The following LRRC3C variants were observed in gnomAD, a reference collection of about 807,000 sequenced individuals.
LRRC3C encodes leucine rich repeat containing 3C, also known as leucine-rich repeat-containing protein 3C.
Under a neutral mutation model 14.8 loss-of-function variants are expected in LRRC3C, and 11 were observed. The ratio of observed to expected loss-of-function variants is 0.74; its 90% confidence interval spans 0.47 to 1.23. The LOEUF is 1.23. Among genes scored for constraint, LRRC3C ranks in the 50% most tolerant of loss-of-function variants. The pLI is 0.00. For synonymous variants in LRRC3C, 149 were observed against 161.5 expected (o/e 0.92, Z 0.59); for missense variants, 354 against 361.8 (o/e 0.98, Z 0.18).
Position 39,944,004 on chromosome 17 carries a change from T to C in LRRC3C, c.98T>C (p.Leu33Pro). 6.5e-7 allele frequency: 1 copy of C among 1,536,060 alleles called. No homozygotes were observed. Among genetic ancestry groups the C allele is most frequent in the Non-Finnish European group, 8.7e-7 (1 of 1,146,880 alleles). Residue 33 changes from leucine (L) to proline (P), a missense_variant, in exon 4 of 4, where the codon CTG becomes CCG. Physicochemically the swap from Leu to Pro is moderately conservative, Grantham distance 98. Transcript: ENST00000377924. ...ACAGCAGGTCACCTCCTGCCCCTCC[T>C]GCTGGTGATAGGCACAGGGGGTACT... ...LPTAGHLLPL[L>P]LVIGTGGTVP...
chr17:39,941,653 G>A lies in LRRC3C; in HGVS notation c.26+104G>A, dbSNP rs189283208. ...TCCAGGTTCCGTACAATACAATACC[G>A]TGGGTACCATCAGGCTCAACGTGCA... On this transcript the variant is annotated intron_variant, in intron 3 of 3. Transcript: ENST00000377924. The A allele has an allele frequency of 1.6e-3, 1,637 of 1,019,502 alleles. 2 individuals carry two copies. Among genetic ancestry groups the A allele is most frequent in the Non-Finnish European group, 2.3e-3 (1,543 of 684,732 alleles). 63.2% of individuals were successfully genotyped at this position (1,019,502 alleles called of 1,614,324 possible).
chr17:39,935,927 C>G, intron 2 of LRRC3C, 33 bp downstream of exon 2: 1 of 957,140 alleles, frequency 1.0e-6, no homozygotes, highest in Non-Finnish European at 1.2e-6. Flanking sequence ...CTCTATCTAT[C>G]TATCTACCTA....
At chr17:39,930,738 ATTAAG>A (rs761332762) in intron 1 of LRRC3C, among the ~76,000 whole-genome samples, 81 of 138,462 alleles carry the variant, frequency 5.8e-4, no homozygotes, top group Non-Finnish European at 7.8e-4. Flanking sequence ...AAAAGATTTT[ATTAAG>A]TTATCAGGCA....
intron 3 of LRRC3C, 47 bp from the exon 4 acceptor site, chr17:39,943,886 C>T (rs772972750): frequency 2.6e-5 from 40 of 1,521,018 alleles, no homozygotes; most frequent in African/African-American, 6.9e-5. Flanking sequence ...GTGGGGCATG[C>T]GATTCTCTTG....
chr17:39,944,291 A>C lies in LRRC3C; in HGVS notation c.385A>C (p.Thr129Pro), dbSNP rs776753885. The change falls in exon 4 of 4, where the codon ACA becomes CCA. Residue 129 changes from threonine to proline, a missense_variant. By Grantham distance (38) the Thr-to-Pro change is conservative (BLOSUM62 -1). Coordinates refer to ENST00000377924, the MANE Select transcript of LRRC3C (RefSeq NM_001195545.2). Reference protein sequence around the residue: ...SGAAFQGLEGTLRHLDLSANQ... With the variant: ...SGAAFQGLEGPLRHLDLSANQ... ...GGCGGCTTTCCAGGGCCTGGAGGGC[A>C]CATTGCGCCACCTCGACCTCTCTGC... The C allele has an allele frequency of 1.3e-6, 2 of 1,535,372 alleles. No homozygotes were observed. Among genetic ancestry groups the C allele is most frequent in the South Asian group, 2.4e-5 (2 of 83,900 alleles).
At position 39,934,403 on chromosome 17, in the gene LRRC3C, TC is replaced by T. The variant is rs1978740777; in HGVS notation, c.-174-1398del. Among the ~76,000 whole-genome samples the T allele has an allele frequency of 2.6e-5, 4 of 152,132 alleles. No homozygotes were observed. The South Asian group carries it at 8.3e-4, about 31-fold the overall frequency. On this transcript the variant is annotated intron_variant, in intron 1 of 3. Transcript: ENST00000377924. ...ACCAACTGAGTTCCTACTCCTAGCCTCACCTGTCTAGAAATCTGGGTGGCCA... is the reference window on the plus strand; with the variant it reads ...ACCAACTGAGTTCCTACTCCTAGCCTACCTGTCTAGAAATCTGGGTGGCCA...
At chr17:39,941,389 G>GTT in intron 2 of LRRC3C, 54 bp from the exon 3 acceptor site, 1 of 501,930 alleles carries the variant, frequency 2.0e-6, no homozygotes, top group Admixed American at 3.8e-5. Context: ...TTCTTAACAG[G>GTT]TTTTTGAAAC....
In LRRC3C at chr17:39,941,521, C is replaced by T; in HGVS notation, c.-3C>T. 6.5e-7 allele frequency: 1 copy of T among 1,535,798 alleles called. No individual in the cohort carries two copies. The highest frequency in any genetic ancestry group is 1.7e-4 in the Middle Eastern group (1 of 5,990). On this transcript the variant is annotated 5_prime_UTR_variant, in exon 3 of 4. Transcript: ENST00000377924. ...AGAAAAATCCTTCTCAGAAAGGTCT[C>T]CAATGCGTATGACCTCATCTTCCTT...
In LRRC3C at chr17:39,944,339, G is replaced by T; in HGVS notation, c.433G>T (p.Val145Leu). 3 of 1,535,310 alleles carry T rather than the reference G, an allele frequency of 2.0e-6. No individual in the cohort carries two copies. The highest frequency in any genetic ancestry group is 2.6e-6 in the Non-Finnish European group (3 of 1,146,620). Residue 145 changes from valine to leucine, a missense_variant, in exon 4 of 4, where the codon GTG (valine) becomes TTG (leucine). By Grantham distance (32) the Val-to-Leu change is conservative. Coordinates refer to ENST00000377924, the MANE Select transcript of LRRC3C (RefSeq NM_001195545.2). ...LSANQLASVP[V>L]EAFVGLQIQV... ...TGCCAACCAGCTGGCCTCAGTGCCC[G>T]TGGAGGCCTTTGTGGGGCTACAGAT...
intron 1 of LRRC3C, among the ~76,000 whole-genome samples, chr17:39,933,288 A>G (rs1324727113): frequency 6.6e-6 from 1 of 152,118 alleles, no homozygotes; most frequent in Non-Finnish European, 1.5e-5. Context: ...CCCCAGCCTC[A>G]GTGTGCTTTC....
chr17:39,938,081 G>A lies in LRRC3C; in HGVS notation c.-82+2187G>A, dbSNP rs568000219. 9.9e-5 allele frequency among the ~76,000 whole-genome samples: 15 copies of A among 152,228 alleles called. No individual in the cohort carries two copies. In the South Asian group the frequency reaches 2.7e-3, roughly 27 times the overall value. ...CAGGAGGCAGAGGCTACTGTGAGCC[G>A]AGATGGTGCCACTGCACTCCAGCCT... is the stretch of plus-strand genomic sequence containing the variant. On this transcript the variant is annotated intron_variant, in intron 2 of 3. Transcript: ENST00000377924.
At chr17:39,931,684 C>T (rs1161755639) in intron 1 of LRRC3C, among the ~76,000 whole-genome samples, 5 of 131,266 alleles carry the variant, frequency 3.8e-5, no homozygotes, top group Non-Finnish European at 6.2e-5. Flanking sequence ...GAGTCTCACT[C>T]TGTCACCCAG....
At position 39,943,973 on chromosome 17, in the gene LRRC3C, C is replaced by T; in HGVS notation, c.67C>T (p.Leu23Phe). 1 of 1,536,146 alleles carries T rather than the reference C, an allele frequency of 6.5e-7. No individual in the cohort carries two copies. The highest frequency in any genetic ancestry group is 1.2e-5 in the South Asian group (1 of 84,068). Residue 23 changes from leucine (L) to phenylalanine (F), a missense_variant, in exon 4 of 4, where the codon CTC (leucine) becomes TTC (phenylalanine). Leu to Phe is a conservative substitution (Grantham distance 22). Transcript: ENST00000377924. The stretch of plus-strand genomic sequence containing the variant: ...AGGACTATGCCAATTTATGGCCATG[C>T]TCCCAACAGCAGGTCACCTCCTGCC... ...TPGLCQFMAM[L>F]PTAGHLLPLL... is the part of the protein sequence containing the mutation.
rs1432096565 is a variant in LRRC3C at position 39,935,828 on chromosome 17, T to G, written c.-148T>G. ...GAACAACAATAGCAGAGGCCTTTGT[T>G]GCCCTCTCCGCGAAACTGCCCAGTA... On this transcript the variant is annotated 5_prime_UTR_variant, in exon 2 of 4. Coordinates refer to ENST00000377924, the MANE Select transcript of LRRC3C (RefSeq NM_001195545.2). The G allele has an allele frequency of 5.1e-6, 5 of 985,334 alleles. No homozygotes were observed. Among genetic ancestry groups the G allele is most frequent in the African/African-American group, 1.7e-5 (1 of 57,230 alleles). 61.0% of individuals were successfully genotyped at this position (985,334 alleles called of 1,614,324 possible).
intron 1 of LRRC3C, chr17:39,929,342 T>G (rs1005245517): frequency 2.6e-5 from 4 of 152,220 alleles, no homozygotes; most frequent in African/African-American, 9.7e-5. Context: ...GAACATGTCA[T>G]GCACTATTAA....
rs1216550374 is a variant in LRRC3C, at chr17:39,944,612, A to C, written c.706A>C (p.Met236Leu). 9.1e-6 allele frequency: 14 copies of C among 1,535,830 alleles called. No individual in the cohort carries two copies. The highest frequency in any genetic ancestry group is 1.2e-5 in the Non-Finnish European group (14 of 1,146,818). ...LVTMGGWLTL[M>L]VAYLVHYVWQ... ...CACCATGGGGGGCTGGCTGACACTC[A>C]TGGTGGCTTATCTGGTGCATTATGT... Residue 236 changes from methionine (M) to leucine (L), a missense_variant, in exon 4 of 4, where the codon ATG becomes CTG. By Grantham distance (15) the Met-to-Leu change is conservative. Coordinates refer to ENST00000377924, the MANE Select transcript of LRRC3C (RefSeq NM_001195545.2).
At chr17:39,934,876 G>A (rs1978754283) in intron 1 of LRRC3C, among the ~76,000 whole-genome samples, 1 of 152,164 alleles carries the variant, frequency 6.6e-6, no homozygotes, top group Non-Finnish European at 1.5e-5. Context: ...GGTTATTCGT[G>A]CTCCCCTTTT....
At chr17:39,942,012 G>C (rs1978954209) in intron 3 of LRRC3C, among the ~76,000 whole-genome samples, 1 of 152,114 alleles carries the variant, frequency 6.6e-6, no homozygotes, top group Non-Finnish European at 1.5e-5. Context: ...AAGCCACCAT[G>C]GGCTAAGGAA....
chr17:39,932,013 C>T (rs753922257), intron 1 of LRRC3C, among the ~76,000 whole-genome samples: 3 of 152,028 alleles, frequency 2.0e-5, no homozygotes, highest in Non-Finnish European at 2.9e-5. Flanking sequence ...CCTGCATATA[C>T]GTTAATGATT....
Sources: allele counts gnomAD v4.1 joint callset (sites outside exome capture counted in the v4.1 genomes callset), GRCh38; gene constraint gnomAD v4.1.1; transcripts MANE v1.5; gene names NCBI Gene and HGNC (gene_info 2026-07-23, HGNC 2026-07-21).